XRN2: variants seen among roughly 807,000 people sequenced by gnomAD.
XRN2 encodes the protein DHM1-like protein.
Under a neutral mutation model 138.5 loss-of-function variants are expected in XRN2, and 44 were observed. The observed-to-expected ratio is 0.32, with a 90% CI of 0.25 to 0.41. XRN2 has a LOEUF of 0.41. XRN2 is among the 10% of genes least tolerant of loss of function. The pLI is 1.00. For synonymous variants in XRN2, 354 were observed against 369.4 expected (o/e 0.96, Z 0.48); for missense variants, 937 against 1,169.3 (o/e 0.80, Z 2.90).
At position 21,372,506 on chromosome 20, in the gene XRN2, A is replaced by G. The variant is rs550504788; in HGVS notation, c.2584+3916A>G. 2.6e-5 allele frequency among the ~76,000 whole-genome samples: 4 copies of G among 152,314 alleles called. No homozygotes were observed. In the South Asian group the frequency reaches 6.2e-4, roughly 24 times the overall value. Reference sequence around the variant, plus strand: ...AAATATATTTTTAAAATGCATTTTTAACTACAGTACATGTTAATTGAATAA... The same window carrying G: ...AAATATATTTTTAAAATGCATTTTTGACTACAGTACATGTTAATTGAATAA... On this transcript the variant is annotated intron_variant, in intron 27 of 29. Transcript: ENST00000377191.
intron 27 of XRN2, among the ~76,000 whole-genome samples, chr20:21,369,829 C>T (rs1333604722): frequency 4.6e-5 from 7 of 152,130 alleles, no homozygotes; most frequent in Non-Finnish European, 8.8e-5. Flanking sequence ...TGTCTCTTCA[C>T]TTTGCTGATT....
At chr20:21,304,911 T>G (rs945079457) in intron 1 of XRN2, among the ~76,000 whole-genome samples, 3 of 152,224 alleles carry the variant, frequency 2.0e-5, no homozygotes, top group Non-Finnish European at 4.4e-5. Flanking sequence ...CTATACAGAT[T>G]TAAAATGCTG....
At position 21,326,375 on chromosome 20, in the gene XRN2, A is replaced by G. The variant is rs780608516; in HGVS notation, c.172A>G (p.Ile58Val). 7 of 1,613,806 alleles carry G rather than the reference A, an allele frequency of 4.3e-6. No individual in the cohort carries two copies. The highest frequency in any genetic ancestry group is 1.7e-5 in the Admixed American group (1 of 60,008). The change falls in exon 2 of 30, where the codon ATC (isoleucine) becomes GTC (valine). Residue 58 changes from isoleucine to valine, a missense_variant. By Grantham distance (29) the Ile-to-Val change is conservative (BLOSUM62 3). Around this residue, in one of 6 missense-constraint regions of XRN2, gnomAD observed 51 missense variants for 93.5 expected, o/e 0.55. Coordinates refer to ENST00000377191, the MANE Select transcript of XRN2 (RefSeq NM_012255.5). ...TAATCTGTATTTGGATATGAATGGA[A>G]TCATCCATCCCTGTACTCATCCTGA... is the stretch of plus-strand genomic sequence containing the variant. ...FDNLYLDMNG[I>V]IHPCTHPEDK... is the part of the protein sequence containing the mutation.
intron 27 of XRN2, among the ~76,000 whole-genome samples, chr20:21,378,268 AC>A (rs2038847507): frequency 6.6e-6 from 1 of 152,100 alleles, no homozygotes; most frequent in South Asian, 2.1e-4. Flanking sequence ...TAGTTGTTAA[AC>A]CCCCCATCCA....
intron 1 of XRN2, among the ~76,000 whole-genome samples, chr20:21,305,298 C>G (rs1160361659): frequency 6.6e-6 from 1 of 152,204 alleles, no homozygotes; most frequent in Non-Finnish European, 1.5e-5. Flanking sequence ...CGCTATGTCT[C>G]TTAGGCTGGA....
chr20:21,360,753 C>A (rs1392082608), intron 24 of XRN2, among the ~76,000 whole-genome samples: 1 of 152,182 alleles, frequency 6.6e-6, no homozygotes, highest in Non-Finnish European at 1.5e-5. Flanking sequence ...AAGCAGATAA[C>A]TCAAGATCCA....
At chr20:21,356,752 A>T (rs1228247643) in intron 23 of XRN2, 87 bp downstream of exon 23, 2 of 1,109,652 alleles carry the variant, frequency 1.8e-6, no homozygotes, top group Non-Finnish European at 2.6e-6. Context: ...TTTATTTTCT[A>T]ATAATAGTGA....
intron 24 of XRN2, among the ~76,000 whole-genome samples, chr20:21,358,936 C>A (rs1380698459): frequency 6.6e-6 from 1 of 152,194 alleles, no homozygotes; most frequent in Non-Finnish European, 1.5e-5. Flanking sequence ...CTCTGGCTTT[C>A]ATTAAAGCAT....
At chr20:21,389,176 G>T in intron 29 of XRN2, 97 bp from the exon 30 acceptor site, 1 of 1,115,286 alleles carries the variant, frequency 9.0e-7, no homozygotes, top group East Asian at 2.6e-5. Flanking sequence ...CACATACTCA[G>T]TTTCCTTATG....
At chr20:21,354,382 T>C (rs1484382800) in intron 20 of XRN2, among the ~76,000 whole-genome samples, 1 of 152,174 alleles carries the variant, frequency 6.6e-6, no homozygotes, top group African/African-American at 2.4e-5. Context: ...TTACAAAAGA[T>C]GAAACCAAGT....
At chr20:21,378,696 G>C (rs765745635) in intron 27 of XRN2, among the ~76,000 whole-genome samples, 1 of 152,152 alleles carries the variant, frequency 6.6e-6, no homozygotes, top group African/African-American at 2.4e-5. Flanking sequence ...CAAATAGCTT[G>C]TTTTAGTAAG....
chr20:21,346,719 A>C (rs2038441040), intron 17 of XRN2, among the ~76,000 whole-genome samples, 169 bp downstream of exon 17: 1 of 152,142 alleles, frequency 6.6e-6, no homozygotes, highest in Admixed American at 6.6e-5. Context: ...TCCCAGGTTC[A>C]AGCGATTCTC....
At chr20:21,310,245 C>G (rs910120773) in intron 1 of XRN2, among the ~76,000 whole-genome samples, 2 of 152,142 alleles carry the variant, frequency 1.3e-5, no homozygotes, top group African/African-American at 4.8e-5. Flanking sequence ...GGAGATTTTC[C>G]AGGTATTTTT....
Position 21,303,357 on chromosome 20 carries a change from G to A in XRN2, c.-42G>A, listed in dbSNP as rs777227444. 1 of 1,539,486 alleles carries A rather than the reference G, an allele frequency of 6.5e-7. No homozygotes were observed. The highest frequency in any genetic ancestry group is 1.2e-5 in the South Asian group (1 of 82,876). On this transcript the variant is annotated 5_prime_UTR_variant, in exon 1 of 30. Transcript: ENST00000377191. ...CCGCTGCTCCCGTCTCTTTGGTTAC[G>A]CTCGTCAGCCGGTCGGCCGCCGCCT...
At chr20:21,373,047 C>A (rs1012021037) in intron 27 of XRN2, among the ~76,000 whole-genome samples, 1 of 151,884 alleles carries the variant, frequency 6.6e-6, no homozygotes, top group Non-Finnish European at 1.5e-5. Context: ...GGGTCTTGCT[C>A]TGTTGCCCAG....
intron 1 of XRN2, 94 bp from the exon 2 acceptor site, chr20:21,326,185 G>C: frequency 7.8e-7 from 1 of 1,284,876 alleles, no homozygotes; most frequent in South Asian, 1.5e-5. Context: ...TTTATTTCCA[G>C]TTCAGAAATG....
intron 27 of XRN2, among the ~76,000 whole-genome samples, chr20:21,379,587 T>A (rs1481666423): frequency 6.6e-6 from 1 of 152,176 alleles, no homozygotes; most frequent in Non-Finnish European, 1.5e-5. Context: ...AAGAAAATTG[T>A]CCTGGAGGTG....
intron 17 of XRN2, among the ~76,000 whole-genome samples, chr20:21,347,443 T>A (rs1247396387): frequency 6.6e-6 from 1 of 152,200 alleles, no homozygotes; most frequent in Non-Finnish European, 1.5e-5. Context: ...AAATTTGGTG[T>A]GACCTGGGAA....
At chr20:21,363,062 G>A (rs1008992464) in intron 24 of XRN2, among the ~76,000 whole-genome samples, 30 of 152,064 alleles carry the variant, frequency 2.0e-4, no homozygotes, top group African/African-American at 4.8e-4. Flanking sequence ...CAGCCTCTTG[G>A]ATGATGTTTT....
Sources: gnomAD v4.1 joint callset for allele counts (sites outside exome capture counted in the v4.1 genomes callset) on GRCh38, gnomAD v4.1.1 for gene constraint, gnomAD v4.1.1 regional missense constraint, MANE v1.5 for transcripts, NCBI Gene and HGNC (gene_info 2026-07-23, HGNC 2026-07-21) for gene names.